The following KIDINS220 variants were observed in gnomAD, a reference collection of about 807,000 sequenced individuals.
KIDINS220 encodes the protein kinase D interacting substrate 220.
Under a neutral mutation model 157.6 loss-of-function variants are expected in KIDINS220, and 63 were observed. The ratio of observed to expected loss-of-function variants is 0.40; its 90% CI spans 0.33 to 0.49. The LOEUF is 0.49. Among genes scored for constraint, KIDINS220 ranks in the 20% least tolerant of loss-of-function variants. KIDINS220 has a pLI of 0.66. For missense variants in KIDINS220, 1,772 were observed against 2,171.2 expected, an observed-to-expected ratio of 0.82 and a Z score of 3.65; for synonymous variants, 732 against 783.6, an observed-to-expected ratio of 0.93 and a Z score of 1.10.
At chr2:8,815,177 G>A (rs1237079479) in intron 4 of KIDINS220, among the ~76,000 whole-genome samples, 2 of 152,116 alleles carry the variant, frequency 1.3e-5, no homozygotes, top group Admixed American at 1.3e-4. Context: ...GAGGCAGGCA[G>A]ATCACTTGAG....
At chr2:8,802,888 C>G (rs1033449144) in intron 8 of KIDINS220, 42 bp downstream of exon 8, 1 of 1,532,974 alleles carries the variant, frequency 6.5e-7, no homozygotes. Flanking sequence ...CACCTTTCAT[C>G]CACTTCACCA....
Position 8,803,141 on chromosome 2 carries a change from C to G in KIDINS220, c.604-14G>C. On this transcript the variant is annotated splice_polypyrimidine_tract_variant and intron_variant, in intron 7 of 29. Coordinates refer to ENST00000256707, the MANE Select transcript of KIDINS220 (RefSeq NM_020738.4). ...AGTCATTGAATTCTAAAAACAACAA[C>G]AACAAAAACAAAACAAAACGCAAGC... The G allele has an allele frequency of 1.3e-6, 2 of 1,589,290 alleles. No individual in the cohort carries two copies. The highest frequency in any genetic ancestry group is 1.7e-6 in the Non-Finnish European group (2 of 1,169,340).
At chr2:8,760,863 A>G (rs1668658112) in intron 22 of KIDINS220, among the ~76,000 whole-genome samples, 1 of 152,124 alleles carries the variant, frequency 6.6e-6, no homozygotes, top group African/African-American at 2.4e-5. Flanking sequence ...AAAATAGTGT[A>G]TTACTGCATG....
Position 8,733,516 on chromosome 2 carries a change from G to A in KIDINS220, c.3981C>T (p.Asn1327=). The change falls in exon 29 of 30, where the codon AAC becomes AAT. Residue 1327 remains asparagine, a synonymous_variant. Transcript: ENST00000256707. ...GCGTGTTCAGCTCTTCGAAGCTGAA[G>A]TTGAGTGTGTAGGGCGTCTGGCTGG... ...ELSSQTPYTL[N]FSFEELNTLG... 6 of 1,614,196 alleles carry A rather than the reference G, an allele frequency of 3.7e-6. No individual in the cohort carries two copies. The highest frequency in any genetic ancestry group is 5.1e-6 in the Non-Finnish European group (6 of 1,180,036).
intron 23 of KIDINS220, 131 bp downstream of exon 23, chr2:8,751,335 T>A: frequency 1.7e-6 from 1 of 593,284 alleles, no homozygotes; most frequent in Non-Finnish European, 2.8e-6. Context: ...TTTCATGAAT[T>A]TTTCTGTGTA....
At chr2:8,727,189 C>T, downstream of KIDINS220, 1 of 1,144,174 alleles carries the variant, frequency 8.7e-7, no homozygotes. Flanking sequence ...GAGAGCCCAC[C>T]TGAGTCTGCT....
At chr2:8,756,055 G>T (rs1296084998) in intron 22 of KIDINS220, among the ~76,000 whole-genome samples, 1 of 152,174 alleles carries the variant, frequency 6.6e-6, no homozygotes, top group Non-Finnish European at 1.5e-5. Flanking sequence ...TGAATCTGTA[G>T]ATCACTTCAG....
At position 8,798,310 on chromosome 2, in the gene KIDINS220, TA is replaced by T. The variant is rs558177292; in HGVS notation, c.901-11del. On this transcript the variant is annotated splice_polypyrimidine_tract_variant and intron_variant, in intron 9 of 29. Transcript: ENST00000256707. ...AAGCAGTTTTATTATCCTAGATAAT[TA>T]AAAAAAACACAATCACTTCATGTAA... is the stretch of plus-strand genomic sequence containing the variant. The T allele has an allele frequency of 1.7e-5, 24 of 1,422,262 alleles. No individual in the cohort carries two copies. The highest frequency in any genetic ancestry group is 4.2e-5 in the African/African-American group (3 of 70,682). The allele number at this position is 1,422,262 out of a possible 1,614,324, so 88.1% of individuals were successfully genotyped here. A position where few individuals can be genotyped will look rare whatever the true frequency, so the allele number is the denominator to read the frequency against.
Position 8,812,412 on chromosome 2 carries a change from C to T in KIDINS220, c.487G>A (p.Val163Ile). 2 of 1,597,578 alleles carry T rather than the reference C, an allele frequency of 1.3e-6. No individual in the cohort carries two copies. The highest frequency in any genetic ancestry group is 1.7e-6 in the Non-Finnish European group (2 of 1,171,536). Residue 163 changes from valine (V) to isoleucine (I), a missense_variant, in exon 6 of 30, where the codon GTC becomes ATC. This residue lies in a region of KIDINS220 where 254 missense variants were observed against 268.6 expected (regional missense o/e 0.95). Coordinates refer to ENST00000256707, the MANE Select transcript of KIDINS220 (RefSeq NM_020738.4). ...TGACCTACCTTATCAGAGCAGTTGA[C>T]TTTAGCACCATTTTGCAGTAAAAGA... Reference protein sequence around the residue: ...VHLLLQNGAKVNCSDKYGTTP... With the variant: ...VHLLLQNGAKINCSDKYGTTP...
chr2:8,771,380 G>A (rs537338761), intron 21 of KIDINS220, among the ~76,000 whole-genome samples: 30 of 152,234 alleles, frequency 2.0e-4, no homozygotes, highest in African/African-American at 7.0e-4. Context: ...TATTATTTAC[G>A]TATTTTAAAA....
At chr2:8,792,808 T>C (rs1244014598) in intron 12 of KIDINS220, among the ~76,000 whole-genome samples, 3 of 152,174 alleles carry the variant, frequency 2.0e-5, no homozygotes, top group East Asian at 3.9e-4. Flanking sequence ...GAATCTCTAA[T>C]AATATTTTCA....
chr2:8,761,070 C>T (rs972810769), intron 22 of KIDINS220, among the ~76,000 whole-genome samples: 2 of 152,132 alleles, frequency 1.3e-5, no homozygotes, highest in African/African-American at 2.4e-5. Flanking sequence ...AGAGTTTATA[C>T]TTGATATTTT....
intron 2 of KIDINS220, 100 bp from the exon 3 acceptor site, chr2:8,818,893 G>T: frequency 1.7e-6 from 1 of 580,994 alleles, no homozygotes; most frequent in Non-Finnish European, 3.0e-6. Context: ...TGTATGTTAA[G>T]CATTGTTTAG....
At chr2:8,776,962 G>A in intron 20 of KIDINS220, 70 bp from the exon 21 acceptor site, 3 of 1,464,412 alleles carry the variant, frequency 2.0e-6, no homozygotes, top group Non-Finnish European at 2.8e-6. Flanking sequence ...TTTTTGAGAT[G>A]TTAATAAATG....
At chr2:8,792,117 A>G (rs931382114) in intron 12 of KIDINS220, among the ~76,000 whole-genome samples, 1 of 152,200 alleles carries the variant, frequency 6.6e-6, no homozygotes, top group Non-Finnish European at 1.5e-5. Context: ...TTTCTGAAAC[A>G]TTAAAAAATT....
At chr2:8,737,256 A>T in intron 26 of KIDINS220, 1 of 294,660 alleles carries the variant, frequency 3.4e-6, no homozygotes, top group South Asian at 7.9e-5. Context: ...TCATGAACAA[A>T]GCCTAGGTCA....
At position 8,731,386 on chromosome 2, in the gene KIDINS220, C is replaced by T; in HGVS notation, c.4650G>A (p.Glu1550=). 6.2e-7 allele frequency: 1 copy of T among 1,614,214 alleles called. No individual in the cohort carries two copies. The highest frequency in any genetic ancestry group is 1.7e-5 in the Admixed American group (1 of 60,022). ...DKDRKAEGKV[E]RVPKSPEHSA... ...TGTGTTCTGGAGACTTCGGCACTCT[C>T]TCTACTTTCCCTTCGGCTTTTCTGT... The change falls in exon 30 of 30, where the codon GAG becomes GAA. Residue 1550 remains glutamate, a synonymous_variant. Coordinates refer to ENST00000256707, the MANE Select transcript of KIDINS220 (RefSeq NM_020738.4). This position sits in a 1 kb window ranked among gnomAD's most constrained non-coding sequence, Gnocchi z 5.2.
At chr2:8,790,577 T>C (rs986100440) in intron 13 of KIDINS220, among the ~76,000 whole-genome samples, 7 of 152,064 alleles carry the variant, frequency 4.6e-5, no homozygotes, top group African/African-American at 1.2e-4. Context: ...TGTACAAAAC[T>C]TGGGGAAAAT....
intron 22 of KIDINS220, among the ~76,000 whole-genome samples, chr2:8,764,788 T>A (rs1669241806): frequency 6.6e-6 from 1 of 152,218 alleles, no homozygotes; most frequent in African/African-American, 2.4e-5. Flanking sequence ...TATCATCAGA[T>A]TTCTTTATTC....
Sources: gnomAD v4.1 joint callset for allele counts (sites outside exome capture counted in the v4.1 genomes callset) on GRCh38, gnomAD v4.1.1 for gene constraint, gnomAD v4.1.1 regional missense constraint, Gnocchi (gnomAD v3.1) non-coding constraint, MANE v1.5 for transcripts, NCBI Gene and HGNC (gene_info 2026-07-23, HGNC 2026-07-21) for gene names.